The following PLXNA2 variants were observed in gnomAD, a reference collection of about 807,000 sequenced individuals.
The protein encoded by PLXNA2 is plexin A2, also known as plexin-A2.
Under a neutral mutation model 193.5 loss-of-function variants are expected in PLXNA2, and 91 were observed. The ratio of observed to expected loss-of-function variants is 0.47; its 90% confidence interval spans 0.40 to 0.56. PLXNA2 has a LOEUF of 0.56. Ranked by LOEUF, PLXNA2 falls within the 20% of genes least tolerant of loss-of-function variation. The pLI, the probability that PLXNA2 is intolerant of heterozygous loss-of-function variation, is 0.00. For missense variants in PLXNA2, 1,995 were observed against 2,503.2 expected (o/e 0.80, Z 4.33); for synonymous variants, 997 against 1,027.3 (o/e 0.97, Z 0.56).
intron 9 of PLXNA2, among the ~76,000 whole-genome samples, chr1:208,085,568 T>C (rs1666491626): frequency 6.6e-6 from 1 of 152,238 alleles, no homozygotes; most frequent in South Asian, 2.1e-4. Context: ...ACATGTTCAA[T>C]GACAAAAATA....
At chr1:208,189,236 T>G (rs1670101223) in intron 3 of PLXNA2, among the ~76,000 whole-genome samples, 1 of 152,150 alleles carries the variant, frequency 6.6e-6, no homozygotes, top group South Asian at 2.1e-4. Flanking sequence ...TCTGCTAAGT[T>G]AGGGATGAAG....
At chr1:208,169,791 C>T (rs903926977) in intron 3 of PLXNA2, among the ~76,000 whole-genome samples, 1 of 152,056 alleles carries the variant, frequency 6.6e-6, no homozygotes, top group African/African-American at 2.4e-5. Context: ...TCAAGTATAG[C>T]CTTGGGCAAA....
intron 1 of PLXNA2, among the ~76,000 whole-genome samples, chr1:208,240,041 T>C (rs1671996440): frequency 6.6e-6 from 1 of 152,186 alleles, no homozygotes; most frequent in Non-Finnish European, 1.5e-5. Context: ...GGAAGGCGGT[T>C]AATGGTTAAC....
chr1:208,090,498 G>A (rs1319750906), intron 9 of PLXNA2, among the ~76,000 whole-genome samples: 2 of 152,134 alleles, frequency 1.3e-5, no homozygotes, highest in Admixed American at 6.5e-5. Flanking sequence ...AGTGACTTCC[G>A]AATGGTGTGA....
At chr1:208,237,455 A>G (rs1011719626) in intron 1 of PLXNA2, among the ~76,000 whole-genome samples, 2 of 152,224 alleles carry the variant, frequency 1.3e-5, no homozygotes, top group South Asian at 2.1e-4. Flanking sequence ...CAATTTACAT[A>G]GAATACAACA....
At chr1:208,243,517 C>A (rs1263997255) in intron 1 of PLXNA2, 126 bp downstream of exon 1, 3 of 152,080 alleles carry the variant, frequency 2.0e-5, no homozygotes, top group Admixed American at 1.3e-4. Flanking sequence ...CGCGGCCAAG[C>A]CGGGTCTTCT....
chr1:208,243,565 C>A (rs1672133844), intron 1 of PLXNA2, 78 bp downstream of exon 1: 1 of 152,080 alleles, frequency 6.6e-6, no homozygotes, highest in South Asian at 2.1e-4. Context: ...CGGGAGAAGC[C>A]GCCACGGGTG....
intron 3 of PLXNA2, among the ~76,000 whole-genome samples, chr1:208,163,097 C>T (rs2102517379): frequency 6.6e-6 from 1 of 152,148 alleles, no homozygotes; most frequent in African/African-American, 2.4e-5. Context: ...TGGACTGACC[C>T]TTGAGCCAAG....
chr1:208,167,198 T>A (rs1188291188), intron 3 of PLXNA2, among the ~76,000 whole-genome samples: 1 of 152,154 alleles, frequency 6.6e-6, no homozygotes, highest in Non-Finnish European at 1.5e-5. Context: ...CTCCCCTGAC[T>A]ATGGCGATTT....
intron 1 of PLXNA2, among the ~76,000 whole-genome samples, chr1:208,219,350 T>C (rs1182706922): frequency 6.6e-6 from 1 of 152,162 alleles, no homozygotes; most frequent in African/African-American, 2.4e-5. Context: ...TCCATCACTA[T>C]CATGGTACTG....
At chr1:208,214,203 C>T (rs1210458882) in intron 2 of PLXNA2, among the ~76,000 whole-genome samples, 1 of 151,876 alleles carries the variant, frequency 6.6e-6, no homozygotes, top group Non-Finnish European at 1.5e-5. Flanking sequence ...AAATAGCTGG[C>T]TCTTTACTAC....
chr1:208,235,765 C>T (rs1671831570), intron 1 of PLXNA2, among the ~76,000 whole-genome samples: 1 of 152,174 alleles, frequency 6.6e-6, no homozygotes, highest in Non-Finnish European at 1.5e-5. Context: ...CAGGATTGTG[C>T]TGGGAGGGGC....
intron 3 of PLXNA2, among the ~76,000 whole-genome samples, chr1:208,148,875 T>C (rs1176861379): frequency 6.6e-6 from 1 of 152,080 alleles, no homozygotes; most frequent in African/African-American, 2.4e-5. Flanking sequence ...GAAATGTGGG[T>C]TCTTTGGAAA....
intron 8 of PLXNA2, among the ~76,000 whole-genome samples, chr1:208,095,360 C>T (rs551817844): frequency 6.6e-6 from 1 of 152,270 alleles, no homozygotes; most frequent in African/African-American, 2.4e-5. Context: ...GGTCTCATAG[C>T]GTGTGGGCAC....
intron 4 of PLXNA2, among the ~76,000 whole-genome samples, chr1:208,110,508 T>C (rs967772838): frequency 6.6e-6 from 1 of 152,190 alleles, no homozygotes; most frequent in African/African-American, 2.4e-5. Context: ...GTTGAATGGA[T>C]TGAAGCAGCA....
chr1:208,151,595 G>A (rs933701549), intron 3 of PLXNA2, among the ~76,000 whole-genome samples: 1 of 152,162 alleles, frequency 6.6e-6, no homozygotes, highest in Non-Finnish European at 1.5e-5. Context: ...TGGTGCTTTC[G>A]AATAGCTTCT....
Position 208,031,773 on chromosome 1 carries a change from G to T in PLXNA2, c.5056-14C>A. 1 of 1,585,628 alleles carries T rather than the reference G, an allele frequency of 6.3e-7. No individual in the cohort carries two copies. The highest frequency in any genetic ancestry group is 8.6e-7 in the Non-Finnish European group (1 of 1,162,322). ...CTGCAGGGTGCCCTGGAGGAGGGGT[G>T]GGGGAGAGTAAGATGGAGGGGGGTG... On this transcript the variant is annotated splice_polypyrimidine_tract_variant and intron_variant, in intron 28 of 31. Coordinates refer to ENST00000367033, the MANE Select transcript of PLXNA2 (RefSeq NM_025179.4).
At chr1:208,227,979 G>A (rs1465299822) in intron 1 of PLXNA2, among the ~76,000 whole-genome samples, 1 of 152,000 alleles carries the variant, frequency 6.6e-6, no homozygotes, top group Non-Finnish European at 1.5e-5. Context: ...TTATACTACT[G>A]GGAGAAAAAA....
chr1:208,222,095 C>T (rs1246838406), intron 1 of PLXNA2, among the ~76,000 whole-genome samples: 1 of 152,194 alleles, frequency 6.6e-6, no homozygotes, highest in African/African-American at 2.4e-5. Context: ...TCCTCACCTC[C>T]ATCCATCCCA....
Sources: allele counts gnomAD v4.1 joint callset (sites outside exome capture counted in the v4.1 genomes callset), GRCh38; gene constraint gnomAD v4.1.1; transcripts MANE v1.5; gene names NCBI Gene and HGNC (gene_info 2026-07-23, HGNC 2026-07-21).